ADCK1: variants seen among roughly 807,000 people sequenced by gnomAD.
The protein encoded by ADCK1 is aarF domain containing kinase 1.
ADCK1 carries 41 observed loss-of-function variants against 52.3 expected under a neutral mutation model. That is an observed-to-expected ratio of 0.78 (90% CI 0.61 to 1.02). The LOEUF is 1.02. Ranked by LOEUF, ADCK1 falls within the 50% of genes least tolerant of loss-of-function variation. The pLI, the probability that ADCK1 is intolerant of heterozygous loss-of-function variation, is 0.00. For synonymous variants in ADCK1, 250 were observed against 274.6 expected (o/e 0.91, Z 0.89); for missense variants, 658 against 679.5 (o/e 0.97, Z 0.35).
chr14:77,808,178 C>G (rs918938788), intron 1 of ADCK1, among the ~76,000 whole-genome samples: 5 of 152,206 alleles, frequency 3.3e-5, no homozygotes, highest in Admixed American at 3.3e-4. Flanking sequence ...GAGAGGAGAC[C>G]TGTGCACCAA....
chr14:77,901,412 C>G (rs1403572680), intron 6 of ADCK1, among the ~76,000 whole-genome samples: 3 of 146,356 alleles, frequency 2.0e-5, no homozygotes, highest in Non-Finnish European at 4.5e-5. Flanking sequence ...TTTTCTGAGT[C>G]AGAGTCTCAC....
chr14:77,931,802 A>G (rs1282570159), intron 10 of ADCK1, 91 bp downstream of exon 10: 11 of 1,368,658 alleles, frequency 8.0e-6, no homozygotes, highest in Non-Finnish European at 3.0e-6. Flanking sequence ...CCACCAGTCT[A>G]CAGGGCCCTG....
chr14:77,852,200 T>A (rs2082297881), intron 3 of ADCK1, among the ~76,000 whole-genome samples: 1 of 152,008 alleles, frequency 6.6e-6, no homozygotes, highest in Non-Finnish European at 1.5e-5. Flanking sequence ...GGTGTCACCT[T>A]ATTGTCTAGG....
intron 4 of ADCK1, among the ~76,000 whole-genome samples, chr14:77,885,290 G>A (rs1462738972): frequency 1.3e-5 from 2 of 152,200 alleles, no homozygotes; most frequent in Admixed American, 1.3e-4. Context: ...TCACGAAGGA[G>A]GAGAAAAGAC....
intron 4 of ADCK1, among the ~76,000 whole-genome samples, chr14:77,877,786 G>A (rs990420951): frequency 6.6e-6 from 1 of 152,032 alleles, no homozygotes; most frequent in Non-Finnish European, 1.5e-5. Flanking sequence ...TTATTTTTTT[G>A]TAGAGATGGA....
At chr14:77,843,424 A>G (rs929971414) in intron 3 of ADCK1, among the ~76,000 whole-genome samples, 1 of 152,198 alleles carries the variant, frequency 6.6e-6, no homozygotes, top group African/African-American at 2.4e-5. Context: ...TTGAGAACAA[A>G]TTAATTATGC....
chr14:77,864,083 A>G (rs2082611326), intron 4 of ADCK1, among the ~76,000 whole-genome samples: 3 of 152,236 alleles, frequency 2.0e-5, no homozygotes, highest in African/African-American at 7.2e-5. Context: ...TCCCAGGGGA[A>G]CTTATTTTAC....
At chr14:77,831,874 C>A (rs949867575) in intron 3 of ADCK1, among the ~76,000 whole-genome samples, 13 of 152,146 alleles carry the variant, frequency 8.5e-5, no homozygotes, top group African/African-American at 3.1e-4. Flanking sequence ...CGGGTGACAA[C>A]TCTATAACTA....
chr14:77,891,926 A>G (rs1233005284), intron 5 of ADCK1, among the ~76,000 whole-genome samples: 1 of 152,234 alleles, frequency 6.6e-6, no homozygotes, highest in Non-Finnish European at 1.5e-5. Context: ...GGTGTCTTAT[A>G]TTTAGGAATG....
chr14:77,831,141 T>TG (rs2081840016), intron 3 of ADCK1, among the ~76,000 whole-genome samples: 1 of 152,166 alleles, frequency 6.6e-6, no homozygotes, highest in African/African-American at 2.4e-5. Flanking sequence ...GCCTCTCAGT[T>TG]GGGGGACTGC....
At chr14:77,828,029 T>C in intron 3 of ADCK1, 2 of 248,524 alleles carry the variant, frequency 8.0e-6, no homozygotes, top group South Asian at 3.7e-5. Flanking sequence ...AGGGTTTTAC[T>C]GTATTAGCCA....
chr14:77,933,333 T>TA lies in ADCK1; in HGVS notation c.1514_1515insA (p.Lys506GlufsTer4). On this transcript the variant is annotated frameshift_variant, in exon 11 of 11. Coordinates refer to ENST00000238561, the MANE Select transcript of ADCK1 (RefSeq NM_020421.4). LOFTEE classifies it high-confidence loss of function. ...GAGCTCATCCTGCGTGTGAAGGGGT[T>TA]GAAGCTGGCTGACCGGGTCTTGGCC... 2 of 1,614,206 alleles carry TA rather than the reference T, an allele frequency of 1.2e-6. No homozygotes were observed. Among genetic ancestry groups the TA allele is most frequent in the Non-Finnish European group, 1.7e-6 (2 of 1,180,038 alleles).
intron 8 of ADCK1, 133 bp from the exon 9 acceptor site, chr14:77,925,631 T>TG: frequency 1.1e-6 from 1 of 870,530 alleles, no homozygotes; most frequent in South Asian, 1.7e-5. Flanking sequence ...GGCAGAGCTC[T>TG]GGGGGAGAAA....
intron 3 of ADCK1, among the ~76,000 whole-genome samples, chr14:77,829,295 A>T (rs2081789014): frequency 6.9e-6 from 1 of 145,574 alleles, no homozygotes; most frequent in African/African-American, 2.5e-5. Context: ...AAAAACTAAG[A>T]TTTTTTTTTT....
intron 3 of ADCK1, among the ~76,000 whole-genome samples, chr14:77,847,944 C>G (rs758179088): frequency 6.6e-6 from 1 of 152,208 alleles, no homozygotes; most frequent in Non-Finnish European, 1.5e-5. Flanking sequence ...GTGGCCTAAC[C>G]CTGAGACTTA....
At chr14:77,836,771 TTC>T (rs869083560) in intron 3 of ADCK1, among the ~76,000 whole-genome samples, 11,897 of 45,692 alleles carry the variant, frequency 0.26, 750 homozygotes, top group Middle Eastern at 0.4. Flanking sequence ...CTTTCTTTCT[TTC>T]TTTTTTTTTT....
At chr14:77,880,089 C>T (rs576043853) in intron 4 of ADCK1, among the ~76,000 whole-genome samples, 4 of 152,336 alleles carry the variant, frequency 2.6e-5, no homozygotes, top group South Asian at 2.1e-4. Flanking sequence ...ACTGTCCTGA[C>T]GAGCTGATAG....
chr14:77,897,047 A>G (rs1386700580), intron 5 of ADCK1, among the ~76,000 whole-genome samples: 1 of 152,216 alleles, frequency 6.6e-6, no homozygotes, highest in Admixed American at 6.5e-5. Flanking sequence ...GGCAAAAAGA[A>G]GCATGAGACA....
At chr14:77,926,347 G>C (rs1162389442) in intron 9 of ADCK1, among the ~76,000 whole-genome samples, 1 of 152,172 alleles carries the variant, frequency 6.6e-6, no homozygotes, top group African/African-American at 2.4e-5. Context: ...AAATCTGGCA[G>C]TACTTCTGCT....
Sources: gnomAD v4.1 joint callset for allele counts (sites outside exome capture counted in the v4.1 genomes callset) on GRCh38, gnomAD v4.1.1 for gene constraint, MANE v1.5 for transcripts, NCBI Gene and HGNC (gene_info 2026-07-23, HGNC 2026-07-21) for gene names.